DDB1: variants seen among roughly 807,000 people sequenced by gnomAD.
DDB1 encodes the protein DNA damage-binding protein 1.
In DDB1, 18 loss-of-function variants were observed where a neutral mutation model predicts 133.1. That is an observed-to-expected ratio of 0.14 (90% confidence interval 0.09 to 0.20). DDB1 has a LOEUF of 0.20. Among genes scored for constraint, DDB1 ranks in the 10% least tolerant of loss-of-function variants. The probability of loss-of-function intolerance (pLI) is 1.00; values close to 1 mark genes in which losing one functional copy is unlikely to be tolerated. For synonymous variants in DDB1, 580 were observed against 550.5 expected (o/e 1.05, Z -0.75); for missense variants, 828 against 1,459.2 (o/e 0.57, Z 7.05).
At chr11:61,308,367 T>C (rs1157259846) in intron 21 of DDB1, among the ~76,000 whole-genome samples, 1 of 152,210 alleles carries the variant, frequency 6.6e-6, no homozygotes, top group Non-Finnish European at 1.5e-5. Context: ...CCATGTGATA[T>C]GAAACAGCAA....
chr11:61,323,785 G>C (rs1165728639), intron 7 of DDB1, 194 bp downstream of exon 7: 1 of 583,930 alleles, frequency 1.7e-6, no homozygotes, highest in Non-Finnish European at 3.1e-6. Context: ...AGGCTGCTTG[G>C]ATAGATTATC....
Position 61,313,934 on chromosome 11 carries a change from C to G in DDB1, c.1789G>C (p.Glu597Gln). The change falls in exon 15 of 27, where the codon GAG becomes CAG. Residue 597 changes from glutamate to glutamine, a missense_variant. Transcript: ENST00000301764. The stretch of plus-strand genomic sequence containing the variant: ...GCACAAAGGAGGTAATGGCTACTCT[C>G]AAAGGTGGTCATCAGGATGGAGCGA... ...IPRSILMTTF[E>Q]SSHYLLCALG... 1 of 1,614,108 alleles carries G rather than the reference C, an allele frequency of 6.2e-7. No individual in the cohort carries two copies. The highest frequency in any genetic ancestry group is 8.5e-7 in the Non-Finnish European group (1 of 1,180,034).
At chr11:61,315,225 T>C (rs1266164086) in intron 12 of DDB1, 1 of 152,248 alleles carries the variant, frequency 6.6e-6, no homozygotes, top group Admixed American at 6.5e-5. Flanking sequence ...TATTTAAAGT[T>C]CCTTAGTAAA....
At chr11:61,314,617 C>T in intron 12 of DDB1, 131 bp from the exon 13 acceptor site, 1 of 914,302 alleles carries the variant, frequency 1.1e-6, no homozygotes, top group Non-Finnish European at 1.6e-6. Flanking sequence ...TCTTATTCCC[C>T]AAAGTCCTGC....
Position 61,313,931 on chromosome 11 carries a change from T to G in DDB1, c.1792A>C (p.Ser598Arg), listed in dbSNP as rs749701617. 6.2e-7 allele frequency: 1 copy of G among 1,614,170 alleles called. No individual in the cohort carries two copies. The highest frequency in any genetic ancestry group is 8.5e-7 in the Non-Finnish European group (1 of 1,180,030). Reference protein sequence around the residue: ...PRSILMTTFESSHYLLCALGD... With the variant: ...PRSILMTTFERSHYLLCALGD... ...AAGGCACAAAGGAGGTAATGGCTAC[T>G]CTCAAAGGTGGTCATCAGGATGGAG... The change falls in exon 15 of 27, where the codon AGT becomes CGT. Residue 598 changes from serine (S) to arginine (R), a missense_variant. By Grantham distance (110) the Ser-to-Arg change is moderately radical (BLOSUM62 -1). Coordinates refer to ENST00000301764, the MANE Select transcript of DDB1 (RefSeq NM_001923.5).
At chr11:61,332,363 G>A (rs1856398735) in intron 1 of DDB1, 1 of 153,136 alleles carries the variant, frequency 6.5e-6, no homozygotes, top group Non-Finnish European at 1.5e-5. Flanking sequence ...TCGTCAACAA[G>A]GCAAACCCAG....
At chr11:61,314,669 G>A (rs1208892250) in intron 12 of DDB1, 183 bp from the exon 13 acceptor site, 2 of 603,310 alleles carry the variant, frequency 3.3e-6, no homozygotes, top group African/African-American at 1.9e-5. Flanking sequence ...AATGCCTGAA[G>A]GAGGCCAGCT....
chr11:61,333,075 C>A lies in DDB1; in HGVS notation c.-107G>T, dbSNP rs1856438413. Reference sequence around the variant, plus strand: ...CAGCGCGCAGCGAACTCCACTGCCGCTGCCTCCGCCCCAGAGACACGTTGC... The same window carrying A: ...CAGCGCGCAGCGAACTCCACTGCCGATGCCTCCGCCCCAGAGACACGTTGC... On this transcript the variant is annotated 5_prime_UTR_variant, in exon 1 of 27. Transcript: ENST00000301764. 1.9e-6 allele frequency: 2 copies of A among 1,070,174 alleles called. No homozygotes were observed. Among genetic ancestry groups the A allele is most frequent in the African/African-American group, 1.7e-5 (1 of 60,072 alleles). The allele number at this position is 1,070,174 out of a possible 1,614,324, so 66.3% of individuals were successfully genotyped here.
intron 10 of DDB1, among the ~76,000 whole-genome samples, chr11:61,320,106 G>A (rs1047245821): frequency 6.6e-6 from 1 of 152,028 alleles, no homozygotes; most frequent in African/African-American, 2.4e-5. Flanking sequence ...CTATCTTAGT[G>A]AATTTGTATT....
At chr11:61,300,294 A>G in intron 26 of DDB1, 75 bp from the exon 27 acceptor site, 1 of 1,427,214 alleles carries the variant, frequency 7.0e-7, no homozygotes, top group Non-Finnish European at 9.8e-7. Flanking sequence ...GAATGCCCCC[A>G]GTGAAGGAGG....
At position 61,316,974 on chromosome 11, in the gene DDB1, T is replaced by C. The variant is rs1421313611; in HGVS notation, c.1226-407A>G. 4.5e-4 allele frequency among the ~76,000 whole-genome samples: 27 copies of C among 60,058 alleles called. 2 individuals are homozygous for C. The highest frequency in any genetic ancestry group is 1.2e-3 in the African/African-American group (18 of 15,348). 39.4% of individuals were successfully genotyped at this position (60,058 alleles called of 152,430 possible). A position where few individuals can be genotyped will look rare whatever the true frequency, so the allele number is the denominator to read the frequency against. The stretch of plus-strand genomic sequence containing the variant: ...ATATATATATATATATATATATATA[T>C]ATATATATATATATATATATATATA... On this transcript the variant is annotated intron_variant, in intron 10 of 26. Coordinates refer to ENST00000301764, the MANE Select transcript of DDB1 (RefSeq NM_001923.5).
intron 3 of DDB1, 107 bp from the exon 4 acceptor site, chr11:61,329,691 A>G: frequency 9.4e-7 from 1 of 1,069,330 alleles, no homozygotes; most frequent in East Asian, 2.6e-5. Flanking sequence ...ATTAAAACTA[A>G]TGGATCTATT....
chr11:61,302,858 A>G, intron 23 of DDB1, 107 bp from the exon 24 acceptor site: 1 of 1,435,462 alleles, frequency 7.0e-7, no homozygotes, highest in African/African-American at 1.4e-5. Flanking sequence ...TGGGGAGCTG[A>G]CATACTCCAC....
At position 61,309,060 on chromosome 11, in the gene DDB1, C is replaced by A; in HGVS notation, c.2584G>T (p.Ala862Ser). The change falls in exon 21 of 27, where the codon GCT becomes TCT. Residue 862 changes from alanine to serine, a missense_variant. By Grantham distance (99) the Ala-to-Ser change is moderately conservative. Around this residue, in one of 7 missense-constraint regions of DDB1, gnomAD observed 396 missense variants for 554.1 expected, o/e 0.71. Coordinates refer to ENST00000301764, the MANE Select transcript of DDB1 (RefSeq NM_001923.5). ...QYSDGKLQTVAEKEVKGAVYS... is the reference protein window; with the variant it reads ...QYSDGKLQTVSEKEVKGAVYS... The stretch of plus-strand genomic sequence containing the variant: ...ACGGCCCCTTTCACTTCCTTTTCAG[C>A]CACAGTCTGTAGTTTTCCTGGGGGT... 1.2e-6 allele frequency: 2 copies of A among 1,614,138 alleles called. No individual in the cohort carries two copies. Among genetic ancestry groups the A allele is most frequent in the African/African-American group, 2.7e-5 (2 of 75,036 alleles).
intron 25 of DDB1, chr11:61,301,853 C>T (rs970058537): frequency 4.2e-5 from 7 of 165,278 alleles, no homozygotes; most frequent in Admixed American, 1.2e-4. Flanking sequence ...TCAGTGTTTT[C>T]CGCTTCTTCA....
intron 10 of DDB1, among the ~76,000 whole-genome samples, chr11:61,317,178 A>T (rs1856102281): frequency 6.6e-6 from 1 of 151,482 alleles, no homozygotes; most frequent in Admixed American, 6.6e-5. Context: ...CAGTGGCCCG[A>T]TCTCAGCTCA....
chr11:61,325,578 G>A, intron 6 of DDB1, 33 bp downstream of exon 6: 1 of 1,577,314 alleles, frequency 6.3e-7, no homozygotes, highest in Non-Finnish European at 8.7e-7. Flanking sequence ...GGAAAGAAAA[G>A]ATGAAAGGAA....
chr11:61,308,212 G>C (rs1276038564), intron 21 of DDB1, among the ~76,000 whole-genome samples: 4 of 152,196 alleles, frequency 2.6e-5, no homozygotes, highest in African/African-American at 9.6e-5. Context: ...CACCAGCTCA[G>C]TCCCCACAGA....
At chr11:61,329,646 G>T in intron 3 of DDB1, 62 bp from the exon 4 acceptor site, 1 of 1,488,834 alleles carries the variant, frequency 6.7e-7, no homozygotes. Context: ...AGAGGACGCT[G>T]GGCACCACTT....
Sources: allele counts gnomAD v4.1 joint callset (sites outside exome capture counted in the v4.1 genomes callset), GRCh38; gene constraint gnomAD v4.1.1; regional missense constraint gnomAD v4.1.1; transcripts MANE v1.5; gene names NCBI Gene and HGNC (gene_info 2026-07-23, HGNC 2026-07-21).